The following MACROD2 variants were observed in gnomAD, a reference collection of about 807,000 sequenced individuals.
MACROD2 encodes the protein mono-ADP ribosylhydrolase 2.
In MACROD2, 36 loss-of-function variants were observed where a neutral mutation model predicts 70.4. The ratio of observed to expected loss-of-function variants is 0.51; its 90% CI spans 0.39 to 0.68. MACROD2 has a LOEUF of 0.68. Among genes scored for constraint, MACROD2 ranks in the 30% least tolerant of loss-of-function variants. MACROD2 has a pLI of 0.00. For missense variants in MACROD2, 496 were observed against 538.4 expected, an observed-to-expected ratio of 0.92 and a Z score of 0.78; for synonymous variants, 172 against 178.8, an observed-to-expected ratio of 0.96 and a Z score of 0.30.
At chr20:15,727,838 G>A (rs1315035593) in intron 8 of MACROD2, among the ~76,000 whole-genome samples, 1 of 151,978 alleles carries the variant, frequency 6.6e-6, no homozygotes, top group African/African-American at 2.4e-5. Context: ...GAGACTATGG[G>A]GTTTTCTAGG....
intron 5 of MACROD2, among the ~76,000 whole-genome samples, chr20:15,045,719 G>GTTTTTTTTTTT (rs71335981): frequency 5.4e-5 from 4 of 73,398 alleles, no homozygotes; most frequent in Non-Finnish European, 1.0e-4. Context: ...CCAGACCAGG[G>GTTTTTTTTTTT]TTTTTTTTTT....
At chr20:14,197,716 G>A (rs896557455) in intron 3 of MACROD2, among the ~76,000 whole-genome samples, 5 of 151,778 alleles carry the variant, frequency 3.3e-5, no homozygotes, top group Non-Finnish European at 7.4e-5. Context: ...GCAGTAAGCC[G>A]AGATTGCACC....
chr20:15,203,133 T>A (rs1003994352), intron 5 of MACROD2, among the ~76,000 whole-genome samples: 1 of 152,192 alleles, frequency 6.6e-6, no homozygotes, highest in African/African-American at 2.4e-5. Flanking sequence ...CATAAAGTTT[T>A]AAAATATCTG....
At chr20:15,756,448 T>A (rs2051348964) in intron 8 of MACROD2, among the ~76,000 whole-genome samples, 1 of 152,202 alleles carries the variant, frequency 6.6e-6, no homozygotes, top group Admixed American at 6.5e-5. Flanking sequence ...CATATCATAT[T>A]GATTTTTAAC....
chr20:15,986,731 A>G lies in MACROD2; in HGVS notation c.990A>G (p.Gln330=). 1.2e-6 allele frequency: 2 copies of G among 1,610,830 alleles called. No individual in the cohort carries two copies. Among genetic ancestry groups the G allele is most frequent in the Non-Finnish European group, 1.7e-6 (2 of 1,176,998 alleles). ...TTCAATCACTGTTTTGAACAGGACA[A>G]GAGAATGATTCAACGAAGAATGAAA... The part of the protein sequence containing the change: ...SVRDQDHPDG[Q]ENDSTKNEIK... The change falls in exon 14 of 18, where the codon CAA becomes CAG. Residue 330 remains glutamine (Q), a synonymous_variant. Coordinates refer to ENST00000684519, the MANE Select transcript of MACROD2 (RefSeq NM_001351661.2).
At chr20:14,843,163 C>CTTTT (rs11389584) in intron 5 of MACROD2, among the ~76,000 whole-genome samples, 35 of 119,226 alleles carry the variant, frequency 2.9e-4, no homozygotes, top group South Asian at 1.4e-3. Context: ...TGTTCATTAA[C>CTTTT]TTTTTTTTTT....
intron 6 of MACROD2, among the ~76,000 whole-genome samples, chr20:15,379,741 C>G (rs113238779): frequency 1.3e-5 from 2 of 152,280 alleles, no homozygotes; most frequent in African/African-American, 4.8e-5. Context: ...AGAGTCCTAG[C>G]TAGTCACTTA....
chr20:14,242,109 C>G (rs1338087111), intron 3 of MACROD2, among the ~76,000 whole-genome samples: 1 of 152,036 alleles, frequency 6.6e-6, no homozygotes, highest in Non-Finnish European at 1.5e-5. Flanking sequence ...TTTGGATGTT[C>G]TCTGTTCATT....
intron 8 of MACROD2, among the ~76,000 whole-genome samples, chr20:15,716,434 G>A (rs1035915275): frequency 7.9e-5 from 12 of 152,078 alleles, no homozygotes; most frequent in Non-Finnish European, 1.6e-4. Flanking sequence ...TATATTTCTC[G>A]GACTTACTTG....
intron 8 of MACROD2, among the ~76,000 whole-genome samples, chr20:15,721,645 T>C (rs1212931289): frequency 6.6e-6 from 1 of 152,204 alleles, no homozygotes; most frequent in East Asian, 1.9e-4. Context: ...TTATCACAAA[T>C]GAGAATGATT....
At chr20:14,594,989 C>T (rs1982027197) in intron 4 of MACROD2, among the ~76,000 whole-genome samples, 1 of 151,954 alleles carries the variant, frequency 6.6e-6, no homozygotes, top group Non-Finnish European at 1.5e-5. Flanking sequence ...TCTTTTTTTC[C>T]CCCTCTGGTA....
chr20:15,060,614 A>G (rs2075524864), intron 5 of MACROD2, among the ~76,000 whole-genome samples: 2 of 152,054 alleles, frequency 1.3e-5, no homozygotes, highest in South Asian at 4.2e-4. Context: ...CTTTCCCACA[A>G]CTGTATAAAG....
chr20:15,509,289 AT>A (rs2047468668), intron 8 of MACROD2, among the ~76,000 whole-genome samples: 1 of 152,162 alleles, frequency 6.6e-6, no homozygotes, highest in Non-Finnish European at 1.5e-5. Context: ...TGATGGCTGT[AT>A]TTTTCTCCTT....
At chr20:14,194,361 C>T (rs1261375276) in intron 3 of MACROD2, among the ~76,000 whole-genome samples, 1 of 152,140 alleles carries the variant, frequency 6.6e-6, no homozygotes, top group African/African-American at 2.4e-5. Flanking sequence ...TGAGACCTGA[C>T]TTGAAAATGA....
chr20:15,585,398 A>G (rs2048584769), intron 8 of MACROD2, among the ~76,000 whole-genome samples: 1 of 151,774 alleles, frequency 6.6e-6, no homozygotes, highest in South Asian at 2.1e-4. Context: ...GGATTTTACC[A>G]TGCTGCCCAG....
chr20:15,506,091 C>T (rs2047422895), intron 8 of MACROD2, among the ~76,000 whole-genome samples: 2 of 152,144 alleles, frequency 1.3e-5, no homozygotes, highest in Non-Finnish European at 2.9e-5. Context: ...ATGTCCAGCT[C>T]GGCAAGTTGA....
intron 6 of MACROD2, among the ~76,000 whole-genome samples, chr20:15,401,732 C>T (rs1171774029): frequency 6.6e-6 from 1 of 152,122 alleles, no homozygotes; most frequent in African/African-American, 2.4e-5. Context: ...CCTGAATAAC[C>T]AAGGGCTTTG....
chr20:15,516,668 A>G (rs752378724), intron 8 of MACROD2, among the ~76,000 whole-genome samples: 3 of 152,112 alleles, frequency 2.0e-5, no homozygotes, highest in African/African-American at 7.2e-5. Context: ...GTGAAATCCA[A>G]ATGCCTGTCT....
intron 3 of MACROD2, among the ~76,000 whole-genome samples, chr20:14,126,071 C>A (rs1266171080): frequency 6.6e-6 from 1 of 152,094 alleles, no homozygotes; most frequent in African/African-American, 2.4e-5. Flanking sequence ...CCCATGTATT[C>A]TGTTTTAGTT....
Sources: gnomAD v4.1 joint callset for allele counts (sites outside exome capture counted in the v4.1 genomes callset) on GRCh38, gnomAD v4.1.1 for gene constraint, MANE v1.5 for transcripts, NCBI Gene and HGNC (gene_info 2026-07-23, HGNC 2026-07-21) for gene names.